The following MYH14 variants were observed in gnomAD, a reference collection of about 807,000 sequenced individuals.
The protein encoded by MYH14 is myosin heavy chain 14.
A neutral mutation model predicts 255.5 loss-of-function variants in MYH14; 123 were observed. The ratio of observed to expected loss-of-function variants is 0.48; its 90% CI spans 0.42 to 0.56. The LOEUF (loss-of-function observed/expected upper bound fraction) is 0.56, where lower values mean the gene tolerates loss of function less well. Among genes scored for constraint, MYH14 ranks in the 20% least tolerant of loss-of-function variants. The pLI, the probability that MYH14 is intolerant of heterozygous loss-of-function variation, is 0.00. For missense variants in MYH14, 2,423 were observed against 2,802.3 expected (o/e 0.86, Z 3.06); for synonymous variants, 1,095 against 1,161.2 (o/e 0.94, Z 1.16).
At chr19:50,233,195 A>G (rs918350497) in intron 10 of MYH14, among the ~76,000 whole-genome samples, 10 of 149,714 alleles carry the variant, frequency 6.7e-5, no homozygotes, top group African/African-American at 2.5e-4. Flanking sequence ...TTTGAGAGGG[A>G]GTCTCACTCT....
At chr19:50,240,800 T>G (rs527524900) in intron 10 of MYH14, among the ~76,000 whole-genome samples, 18 of 151,056 alleles carry the variant, frequency 1.2e-4, no homozygotes, top group African/African-American at 2.9e-4. Flanking sequence ...AATAAAAAAA[T>G]AAAAACAGAA....
intron 27 of MYH14, 109 bp from the exon 28 acceptor site, chr19:50,275,882 C>A: frequency 2.5e-6 from 2 of 810,046 alleles, no homozygotes; most frequent in Non-Finnish European, 3.9e-6. Context: ...AGGATTCTAA[C>A]CTGGGACTGG....
chr19:50,267,442 A>G (rs1042320450), intron 23 of MYH14, among the ~76,000 whole-genome samples: 7 of 152,096 alleles, frequency 4.6e-5, no homozygotes, highest in Admixed American at 4.6e-4. Flanking sequence ...ACCTGAGGTC[A>G]GGAGTTCAAG....
At chr19:50,306,942 GGAA>G (rs2036672231) in intron 40 of MYH14, 104 bp from the exon 41 acceptor site, 1 of 816,114 alleles carries the variant, frequency 1.2e-6, no homozygotes, top group African/African-American at 1.7e-5. Context: ...TAGGAAAGAG[GGAA>G]GAAGCCAATC....
rs747478251 is a variant in MYH14 at position 50,286,533 on chromosome 19, C to T, written c.4591C>T (p.Arg1531Trp). The change falls in exon 34 of 43, where the codon CGG becomes TGG. Residue 1531 changes from arginine to tryptophan, a missense_variant. This residue lies in a region of MYH14 where 1,513 missense variants were observed against 1,674.8 expected (regional missense o/e 0.90). Transcript: ENST00000642316. ...AVLRAVEERE[R>W]AEAEGREREA... Reference sequence around the variant, plus strand: ...ACTTCGGGCAGTGGAGGAACGTGAGCGGGCCGAGGCAGAGGGCCGGGAGCG... The same window carrying T: ...ACTTCGGGCAGTGGAGGAACGTGAGTGGGCCGAGGCAGAGGGCCGGGAGCG... 48 of 1,613,244 alleles carry T rather than the reference C, an allele frequency of 3.0e-5. No homozygotes were observed. Among genetic ancestry groups the T allele is most frequent in the Non-Finnish European group, 2.8e-5 (33 of 1,179,680 alleles).
chr19:50,260,361 G>T (rs1164384181), intron 19 of MYH14, among the ~76,000 whole-genome samples: 3 of 152,194 alleles, frequency 2.0e-5, no homozygotes, highest in African/African-American at 7.2e-5. Flanking sequence ...GGAGGCGGAG[G>T]TCGCAGTGAG....
chr19:50,253,414 G>C (rs1266400748), intron 16 of MYH14, among the ~76,000 whole-genome samples: 1 of 149,998 alleles, frequency 6.7e-6, no homozygotes, highest in Non-Finnish European at 1.5e-5. Context: ...CTGCAATCCA[G>C]CCTGGGTGAC....
intron 1 of MYH14, among the ~76,000 whole-genome samples, chr19:50,204,146 T>C (rs938671192): frequency 5.3e-5 from 8 of 152,204 alleles, no homozygotes; most frequent in African/African-American, 1.9e-4. Context: ...CTTTTATTTT[T>C]TATAACTAAA....
intron 1 of MYH14, among the ~76,000 whole-genome samples, chr19:50,203,968 A>C (rs1345460109): frequency 6.6e-6 from 1 of 151,996 alleles, no homozygotes; most frequent in African/African-American, 2.4e-5. Context: ...CTGTCTTTGG[A>C]ACCTCGGCCG....
chr19:50,209,669 A>G (rs1194031575), intron 1 of MYH14, among the ~76,000 whole-genome samples: 2 of 151,766 alleles, frequency 1.3e-5, no homozygotes, highest in Non-Finnish European at 2.9e-5. Context: ...CTGTAGTCCC[A>G]GCTACTCAGG....
intron 37 of MYH14, among the ~76,000 whole-genome samples, chr19:50,292,746 G>C (rs2036128145): frequency 6.6e-6 from 1 of 152,042 alleles, no homozygotes; most frequent in Non-Finnish European, 1.5e-5. Flanking sequence ...GAACTGGAGT[G>C]GGGAGATTGG....
In MYH14 at chr19:50,276,933, G is replaced by A; in HGVS notation, c.3825+32G>A. On this transcript the variant is annotated intron_variant, in intron 29 of 42. Coordinates refer to ENST00000642316, the MANE Select transcript of MYH14 (RefSeq NM_001145809.2). The surrounding 1 kb of genome is among the most constrained non-coding windows in gnomAD (Gnocchi z 4.3). ...TGGGGCAGGGGGACAGGGCAGGGGG[G>A]CCACGGGGAGGGCAGGGCAGGACGC... The A allele has an allele frequency of 2.8e-6, 3 of 1,076,202 alleles. No individual in the cohort carries two copies. The highest frequency in any genetic ancestry group is 4.0e-6 in the Non-Finnish European group (3 of 748,694). The allele number at this position is 1,076,202 out of a possible 1,614,324, so 66.7% of individuals were successfully genotyped here. A position where few individuals can be genotyped will look rare whatever the true frequency, so the allele number is the denominator to read the frequency against.
chr19:50,297,066 A>G (rs1289614562), intron 39 of MYH14, among the ~76,000 whole-genome samples: 1 of 151,048 alleles, frequency 6.6e-6, no homozygotes, highest in Non-Finnish European at 1.5e-5. Flanking sequence ...GCTCACTGCA[A>G]CCTCTGCCTC....
chr19:50,226,870 C>G, intron 7 of MYH14, 33 bp from the exon 8 acceptor site: 2 of 1,611,594 alleles, frequency 1.2e-6, no homozygotes, highest in Non-Finnish European at 1.7e-6. Flanking sequence ...AGGGGACCCT[C>G]TGCTGAAGCC....
chr19:50,298,915 C>T (rs1434239736), intron 39 of MYH14, among the ~76,000 whole-genome samples: 1 of 152,192 alleles, frequency 6.6e-6, no homozygotes, highest in African/African-American at 2.4e-5. Flanking sequence ...GACCCTGTCC[C>T]TACCAAAAAC....
At position 50,237,986 on chromosome 19, in the gene MYH14, G is replaced by A. The variant is rs3810272; in HGVS notation, c.1114+5916G>A. ...AAAGCCAGCCCATGATCCAGAGAGA[G>A]AGGTGGACACCTCAGTGTCACCCAC... is the stretch of plus-strand genomic sequence containing the variant. On this transcript the variant is annotated intron_variant, in intron 10 of 42. Coordinates refer to ENST00000642316, the MANE Select transcript of MYH14 (RefSeq NM_001145809.2). Among the ~76,000 whole-genome samples, 1,742 of 152,240 alleles carry A rather than the reference G, an allele frequency of 0.011. 131 individuals carry two copies. The East Asian group carries it at 0.19, about 17-fold the overall frequency.
chr19:50,298,401 TAC>T (rs72014853), intron 39 of MYH14, among the ~76,000 whole-genome samples: 7 of 149,180 alleles, frequency 4.7e-5, no homozygotes, highest in African/African-American at 1.2e-4. Context: ...CACACACACA[TAC>T]ACACACACAC....
At position 50,293,587 on chromosome 19, in the gene MYH14, G is replaced by A. The variant is rs747480201; in HGVS notation, c.5369G>A (p.Arg1790His). The change falls in exon 39 of 43, where the codon CGT (arginine) becomes CAT (histidine). Residue 1790 changes from arginine to histidine, a missense_variant. Physicochemically the swap from Arg to His is conservative, Grantham distance 29. Coordinates refer to ENST00000642316, the MANE Select transcript of MYH14 (RefSeq NM_001145809.2). This position sits in a 1 kb window ranked among gnomAD's most constrained non-coding sequence, Gnocchi z 4.1. ...LSKAAILEEK[R>H]QLEGRLGQLE... The stretch of plus-strand genomic sequence containing the variant: ...AGGGCAGCCATTCTGGAGGAGAAGC[G>A]TCAGCTGGAGGGGCGCCTGGGGCAG... 19 of 1,613,046 alleles carry A rather than the reference G, an allele frequency of 1.2e-5. No individual in the cohort carries two copies. Among genetic ancestry groups the A allele is most frequent in the Non-Finnish European group, 1.5e-5 (18 of 1,179,558 alleles).
intron 40 of MYH14, among the ~76,000 whole-genome samples, chr19:50,305,652 G>T (rs1373843917): frequency 6.6e-6 from 1 of 152,136 alleles, no homozygotes; most frequent in Non-Finnish European, 1.5e-5. Flanking sequence ...CCTGCACCAG[G>T]TGCAGTGGCT....
Sources: gnomAD v4.1 joint callset for allele counts (sites outside exome capture counted in the v4.1 genomes callset) on GRCh38, gnomAD v4.1.1 for gene constraint, gnomAD v4.1.1 regional missense constraint, Gnocchi (gnomAD v3.1) non-coding constraint, MANE v1.5 for transcripts, NCBI Gene and HGNC (gene_info 2026-07-23, HGNC 2026-07-21) for gene names.